The following CNST variants were observed in gnomAD, a reference collection of about 807,000 sequenced individuals.
The protein encoded by CNST is consortin.
A neutral mutation model predicts 72.4 loss-of-function variants in CNST; 39 were observed. That is an observed-to-expected ratio of 0.54 (90% confidence interval 0.42 to 0.70). The LOEUF is 0.70. Ranked by LOEUF, CNST falls within the 30% of genes least tolerant of loss-of-function variation. The pLI, the probability that CNST is intolerant of heterozygous loss-of-function variation, is 0.00. For synonymous variants in CNST, 332 were observed against 320.1 expected (o/e 1.04, Z -0.40); for missense variants, 871 against 868.5 (o/e 1.00, Z -0.04).
rs1431568483 is a variant in CNST at position 246,586,329 on chromosome 1, A to G, written c.-51-5183A>G. Among the ~76,000 whole-genome samples the G allele has an allele frequency of 2.7e-5, 4 of 147,858 alleles. No homozygotes were observed. The Admixed American group carries it at 2.7e-4, about 10-fold the overall frequency. ...ACAAGCTCTATCTTATGTATCATCT[A>G]TATCAACTTTATATGAGATAAATAA... On this transcript the variant is annotated intron_variant, in intron 1 of 10. Coordinates refer to ENST00000366513, the MANE Select transcript of CNST (RefSeq NM_152609.3).
chr1:246,595,817 G>T (rs545448361), intron 2 of CNST, among the ~76,000 whole-genome samples: 4 of 152,176 alleles, frequency 2.6e-5, no homozygotes, highest in Admixed American at 6.5e-5. Flanking sequence ...ATGCTCCCTT[G>T]TCTAGTTTAA....
chr1:246,635,678 C>G (rs1458351607), intron 6 of CNST, among the ~76,000 whole-genome samples: 134 of 151,374 alleles, frequency 8.9e-4, no homozygotes, highest in African/African-American at 2.9e-3. Context: ...GCATTTCCAG[C>G]GCTGGGGCGG....
At chr1:246,624,934 G>A (rs944676358) in intron 3 of CNST, among the ~76,000 whole-genome samples, 26 of 152,252 alleles carry the variant, frequency 1.7e-4, no homozygotes, top group Middle Eastern at 3.4e-3. Context: ...GATTACAGGC[G>A]TGAGCCACCA....
chr1:246,619,164 A>AAC (rs200784733), intron 2 of CNST, among the ~76,000 whole-genome samples: 2,771 of 151,980 alleles, frequency 0.018, 94 homozygotes, highest in African/African-American at 0.063. Context: ...GAAAAAAAAA[A>AAC]AACACTAATT....
intron 1 of CNST, among the ~76,000 whole-genome samples, chr1:246,574,334 C>G (rs769751617): frequency 3.3e-4 from 50 of 152,344 alleles, no homozygotes; most frequent in Non-Finnish European, 5.4e-4. Flanking sequence ...AGCCACCGCT[C>G]CCAGCCGCTC....
Position 246,577,887 on chromosome 1 carries a change from C to T in CNST, c.-52+11224C>T, listed in dbSNP as rs138807764. Among the ~76,000 whole-genome samples, 176 of 152,184 alleles carry T rather than the reference C, an allele frequency of 1.2e-3. 1 individual carries two copies. Among genetic ancestry groups the T allele is most frequent in the Non-Finnish European group, 2.2e-3 (149 of 68,018 alleles). ...GCTTCTTTTTTGGACTTTGCTGACT[C>T]GTCCCTGTATTAATCTTTCACTGAC... On this transcript the variant is annotated intron_variant, in intron 1 of 10. Transcript: ENST00000366513.
intron 8 of CNST, among the ~76,000 whole-genome samples, chr1:246,646,612 C>A (rs1030684226): frequency 6.6e-6 from 1 of 152,140 alleles, no homozygotes; most frequent in Non-Finnish European, 1.5e-5. Flanking sequence ...TCCCGAGTAG[C>A]TGGGATTACA....
At chr1:246,583,353 C>A (rs1476902992) in intron 1 of CNST, among the ~76,000 whole-genome samples, 1 of 152,194 alleles carries the variant, frequency 6.6e-6, no homozygotes, top group Non-Finnish European at 1.5e-5. Flanking sequence ...TAAAAGTAAC[C>A]TTCATTCCTC....
chr1:246,577,261 T>TA (rs1430087871), intron 1 of CNST, among the ~76,000 whole-genome samples: 1 of 152,048 alleles, frequency 6.6e-6, no homozygotes, highest in Non-Finnish European at 1.5e-5. Context: ...TTCCTGTTGT[T>TA]ATGACTTTGT....
Position 246,596,252 on chromosome 1 carries a change from A to G in CNST, c.379+4311A>G, listed in dbSNP as rs1030014954. ...CAACACAGGGAGACCTCATCTCTAC[A>G]AAAAGTAAAATAATTAGCTGGGCAT... On this transcript the variant is annotated intron_variant, in intron 2 of 10. Transcript: ENST00000366513. Among the ~76,000 whole-genome samples, 12 of 152,210 alleles carry G rather than the reference A, an allele frequency of 7.9e-5. No homozygotes were observed. The East Asian group carries it at 2.1e-3, about 27-fold the overall frequency.
At chr1:246,641,203 CTAT>C (rs753198127) in intron 6 of CNST, among the ~76,000 whole-genome samples, 3 of 152,098 alleles carry the variant, frequency 2.0e-5, no homozygotes, top group Non-Finnish European at 4.4e-5. Flanking sequence ...TTTATTCATT[CTAT>C]TATTAGTAGA....
chr1:246,655,230 C>G (rs1336351463), intron 9 of CNST, among the ~76,000 whole-genome samples: 1 of 152,012 alleles, frequency 6.6e-6, no homozygotes, highest in Non-Finnish European at 1.5e-5. Context: ...TTTTTAAAGG[C>G]TTTTTCCTTT....
chr1:246,663,506 C>T lies in CNST; in HGVS notation c.1973-2194C>T, dbSNP rs974161889. On this transcript the variant is annotated intron_variant, in intron 10 of 10. Coordinates refer to ENST00000366513, the MANE Select transcript of CNST (RefSeq NM_152609.3). Reference sequence around the variant, plus strand: ...CTGTAATCCCAGCACTTTGGGAGGCCAAGGCGGGCAAATCACCTGAGGTCA... The same window carrying T: ...CTGTAATCCCAGCACTTTGGGAGGCTAAGGCGGGCAAATCACCTGAGGTCA... Among the ~76,000 whole-genome samples the T allele has an allele frequency of 6.6e-5, 10 of 152,038 alleles. No homozygotes were observed. The South Asian group carries it at 1.7e-3, about 25-fold the overall frequency.
chr1:246,640,883 T>A (rs1665638789), intron 6 of CNST, among the ~76,000 whole-genome samples: 1 of 152,218 alleles, frequency 6.6e-6, no homozygotes, highest in Non-Finnish European at 1.5e-5. Context: ...GATGAATTTT[T>A]GCATAGACGT....
chr1:246,610,572 T>C (rs947748811), intron 2 of CNST, among the ~76,000 whole-genome samples: 4 of 152,196 alleles, frequency 2.6e-5, no homozygotes, highest in African/African-American at 9.7e-5. Flanking sequence ...TGGTGTATTA[T>C]GATGTGGTAA....
At chr1:246,590,579 T>C (rs1170441960) in intron 1 of CNST, among the ~76,000 whole-genome samples, 1 of 152,158 alleles carries the variant, frequency 6.6e-6, no homozygotes, top group Non-Finnish European at 1.5e-5. Context: ...GACTGTACTT[T>C]ACATGTTTCT....
chr1:246,576,977 T>G (rs1000657324), intron 1 of CNST, among the ~76,000 whole-genome samples: 3 of 152,024 alleles, frequency 2.0e-5, no homozygotes, highest in African/African-American at 7.3e-5. Flanking sequence ...GAAGTCTCAT[T>G]CTAACATGTT....
intron 6 of CNST, among the ~76,000 whole-genome samples, chr1:246,640,425 C>T (rs1157739355): frequency 1.3e-5 from 2 of 152,066 alleles, no homozygotes; most frequent in African/African-American, 2.4e-5. Context: ...TTTTCAGTTG[C>T]TTGAATTGTA....
intron 2 of CNST, among the ~76,000 whole-genome samples, chr1:246,603,730 A>G (rs1662472775): frequency 6.6e-6 from 1 of 152,194 alleles, no homozygotes; most frequent in Admixed American, 6.5e-5. Flanking sequence ...AGGCAAATCT[A>G]TATGGACAGC....
Sources: allele counts gnomAD v4.1 joint callset (sites outside exome capture counted in the v4.1 genomes callset), GRCh38; gene constraint gnomAD v4.1.1; transcripts MANE v1.5; gene names NCBI Gene and HGNC (gene_info 2026-07-23, HGNC 2026-07-21).